The following UVRAG variants were observed in gnomAD, a reference collection of about 807,000 sequenced individuals.
The protein encoded by UVRAG is UV radiation resistance-associated gene protein.
A neutral mutation model predicts 78.0 loss-of-function variants in UVRAG; 19 were observed. The ratio of observed to expected loss-of-function variants is 0.24; its 90% CI spans 0.17 to 0.36. The LOEUF (loss-of-function observed/expected upper bound fraction) is 0.36, where lower values mean the gene tolerates loss of function less well. UVRAG is among the 10% of genes least tolerant of loss of function. The pLI, the probability that UVRAG is intolerant of heterozygous loss-of-function variation, is 1.00. For synonymous variants in UVRAG, 323 were observed against 324.6 expected, an observed-to-expected ratio of 1.00 and a Z score of 0.05; for missense variants, 740 against 853.8, an observed-to-expected ratio of 0.87 and a Z score of 1.66.
chr11:75,850,083 G>A (rs7937642), intron 1 of UVRAG, among the ~76,000 whole-genome samples: 19,024 of 136,132 alleles, frequency 0.14, 1,383 homozygotes, highest in African/African-American at 0.28. Flanking sequence ...GCAGAAAGCA[G>A]CCAATCAGAG....
intron 5 of UVRAG, among the ~76,000 whole-genome samples, chr11:75,895,890 C>T (rs1268655540): frequency 1.3e-5 from 2 of 151,740 alleles, no homozygotes; most frequent in East Asian, 3.9e-4. Context: ...TTTTTCCTGG[C>T]AAAAAATGTC....
At chr11:75,890,095 G>C (rs1407781075) in intron 5 of UVRAG, among the ~76,000 whole-genome samples, 1 of 152,188 alleles carries the variant, frequency 6.6e-6, no homozygotes, top group Non-Finnish European at 1.5e-5. Flanking sequence ...AGAGTGATGA[G>C]GGGGGAGTGA....
At position 76,141,346 on chromosome 11, in the gene UVRAG, GAAGGAT is replaced by G; in HGVS notation, c.2034_2039del (p.Arg679_Ile680del). The G allele has an allele frequency of 6.2e-7, 1 of 1,614,222 alleles. No individual in the cohort carries two copies. The highest frequency in any genetic ancestry group is 8.5e-7 in the Non-Finnish European group (1 of 1,180,050). On this transcript the variant is annotated inframe_deletion, in exon 15 of 15. Coordinates refer to ENST00000356136, the MANE Select transcript of UVRAG (RefSeq NM_003369.4). ...CTGGGAGAATTTGAAGAGTTCTCCC[GAAGGAT>G]CTATGCACTGAATGAAAACGTATCC... is the stretch of plus-strand genomic sequence containing the variant.
At chr11:75,914,030 T>C (rs1439046894) in intron 6 of UVRAG, among the ~76,000 whole-genome samples, 2 of 152,224 alleles carry the variant, frequency 1.3e-5, no homozygotes, top group East Asian at 3.8e-4. Context: ...AGATATACTT[T>C]TCCTAAACCA....
At chr11:75,828,279 T>TG (rs2135815225) in intron 1 of UVRAG, among the ~76,000 whole-genome samples, 1 of 152,122 alleles carries the variant, frequency 6.6e-6, no homozygotes, top group South Asian at 2.1e-4. Context: ...CTGGAGTGAT[T>TG]GGTTGACTGG....
chr11:76,060,165 T>C (rs1157474051), intron 12 of UVRAG, among the ~76,000 whole-genome samples: 1 of 152,214 alleles, frequency 6.6e-6, no homozygotes, highest in African/African-American at 2.4e-5. Flanking sequence ...TGTGATCTAT[T>C]TTTCATGTGT....
chr11:76,053,360 T>C (rs1179913310), intron 12 of UVRAG, among the ~76,000 whole-genome samples: 1 of 139,528 alleles, frequency 7.2e-6, no homozygotes, highest in East Asian at 2.0e-4. Flanking sequence ...AATATGCACC[T>C]GCTCCTTCTC....
intron 6 of UVRAG, among the ~76,000 whole-genome samples, chr11:75,956,388 C>CTTTT (rs1319171839): frequency 7.8e-6 from 1 of 128,780 alleles, no homozygotes; most frequent in African/African-American, 2.9e-5. Context: ...CAATTCTTGC[C>CTTTT]TTTTTTTTTT....
rs1014671339 is a variant in UVRAG at position 75,936,177 on chromosome 11, A to C, written c.593+24138A>C. Among the ~76,000 whole-genome samples the C allele has an allele frequency of 2.0e-5, 3 of 152,204 alleles. 1 individual carries two copies. The highest frequency in any genetic ancestry group is 2.0e-4 in the Admixed American group (3 of 15,284). ...GAGGGGACACATTTTGATTTGTCCT[A>C]TTGCTAGTGATATAAACTTTGAAGC... On this transcript the variant is annotated intron_variant, in intron 6 of 14. Transcript: ENST00000356136.
At chr11:76,127,208 C>T (rs989558626) in intron 14 of UVRAG, among the ~76,000 whole-genome samples, 2 of 152,086 alleles carry the variant, frequency 1.3e-5, no homozygotes, top group Non-Finnish European at 2.9e-5. Flanking sequence ...ATGTGGATTT[C>T]GGTAATGTCT....
intron 1 of UVRAG, among the ~76,000 whole-genome samples, chr11:75,830,356 G>C (rs1945627132): frequency 4.0e-5 from 6 of 151,452 alleles, no homozygotes; most frequent in Admixed American, 3.9e-4. Context: ...TGCAACCTCT[G>C]CCTCTCGGGT....
intron 8 of UVRAG, among the ~76,000 whole-genome samples, chr11:75,990,787 T>C (rs1437581321): frequency 6.6e-6 from 1 of 152,220 alleles, no homozygotes; most frequent in Non-Finnish European, 1.5e-5. Flanking sequence ...ACTTTGATTA[T>C]TAGTCTATCT....
At chr11:76,115,813 C>T in intron 13 of UVRAG, 111 bp from the exon 14 acceptor site, 1 of 950,386 alleles carries the variant, frequency 1.1e-6, no homozygotes, top group Non-Finnish European at 1.6e-6. Context: ...TAGTATCAAA[C>T]ATTTACATTT....
At chr11:75,931,263 G>A (rs960680103) in intron 6 of UVRAG, among the ~76,000 whole-genome samples, 1 of 151,864 alleles carries the variant, frequency 6.6e-6, no homozygotes, top group Admixed American at 6.6e-5. Flanking sequence ...GTTATGTGCT[G>A]GAGATACAAA....
intron 12 of UVRAG, among the ~76,000 whole-genome samples, chr11:76,056,238 A>G (rs1950983007): frequency 6.6e-6 from 1 of 152,334 alleles, no homozygotes; most frequent in Non-Finnish European, 1.5e-5. Flanking sequence ...ATATTATTGT[A>G]GGTTCTTTCA....
At chr11:76,082,143 G>T (rs116653837) in intron 13 of UVRAG, among the ~76,000 whole-genome samples, 10 of 152,108 alleles carry the variant, frequency 6.6e-5, no homozygotes, top group African/African-American at 1.9e-4. Context: ...TTTCTTGACC[G>T]AGTGGTGGTA....
intron 13 of UVRAG, among the ~76,000 whole-genome samples, chr11:76,114,139 GT>G (rs557398074): frequency 4.3e-4 from 66 of 151,968 alleles, no homozygotes; most frequent in African/African-American, 1.6e-3. Context: ...CATGCCATGT[GT>G]AAACGATTTC....
chr11:76,023,380 A>C (rs1950279505), intron 12 of UVRAG, among the ~76,000 whole-genome samples: 1 of 152,116 alleles, frequency 6.6e-6, no homozygotes, highest in Non-Finnish European at 1.5e-5. Flanking sequence ...AATTTCTCAA[A>C]GAAACTCTCT....
At chr11:75,897,434 C>T (rs1038362681) in intron 5 of UVRAG, among the ~76,000 whole-genome samples, 3 of 152,124 alleles carry the variant, frequency 2.0e-5, no homozygotes, top group African/African-American at 7.2e-5. Context: ...GAAAAACTGA[C>T]GTTCAGGGGG....
Sources: gnomAD v4.1 joint callset for allele counts (sites outside exome capture counted in the v4.1 genomes callset) on GRCh38, gnomAD v4.1.1 for gene constraint, MANE v1.5 for transcripts, NCBI Gene and HGNC (gene_info 2026-07-23, HGNC 2026-07-21) for gene names.